Variants in CDH13 observed in about 807,000 individuals in gnomAD.
The protein encoded by CDH13 is cadherin-13.
A neutral mutation model predicts 63.8 loss-of-function variants in CDH13; 24 were observed. The ratio of observed to expected loss-of-function variants is 0.38; its 90% confidence interval spans 0.27 to 0.53. CDH13 has a LOEUF of 0.53. Ranked by LOEUF, CDH13 falls within the 20% of genes least tolerant of loss-of-function variation. The pLI is 0.85. For synonymous variants in CDH13, 503 were observed against 355.3 expected (o/e 1.42, Z -4.67); for missense variants, 1,049 against 903.1 (o/e 1.16, Z -2.07).
intron 1 of CDH13, among the ~76,000 whole-genome samples, chr16:82,791,482 C>T (rs180763645): frequency 6.6e-6 from 1 of 152,152 alleles, no homozygotes; most frequent in African/African-American, 2.4e-5. Context: ...GTGTGGTAAC[C>T]CCCTTTGGGT....
At chr16:83,504,736 C>A (rs555361131) in intron 7 of CDH13, among the ~76,000 whole-genome samples, 4 of 152,230 alleles carry the variant, frequency 2.6e-5, no homozygotes, top group African/African-American at 7.2e-5. Flanking sequence ...GGTGTTAGGG[C>A]AGATAATGAG....
chr16:82,704,887 A>G (rs2031355460), intron 1 of CDH13, among the ~76,000 whole-genome samples: 1 of 152,244 alleles, frequency 6.6e-6, no homozygotes, highest in African/African-American at 2.4e-5. Flanking sequence ...CATAACACGC[A>G]AAAGCAACAT....
chr16:82,902,547 T>C (rs527315955), intron 2 of CDH13, among the ~76,000 whole-genome samples: 1 of 152,258 alleles, frequency 6.6e-6, no homozygotes, highest in South Asian at 2.1e-4. Context: ...CGGGATTTAT[T>C]TACTCGTTTC....
intron 5 of CDH13, among the ~76,000 whole-genome samples, chr16:83,241,874 C>G (rs1904485926): frequency 6.6e-6 from 1 of 152,096 alleles, no homozygotes; most frequent in Non-Finnish European, 1.5e-5. Context: ...CTTTTGTTGT[C>G]TGTGCTTTTT....
intron 5 of CDH13, among the ~76,000 whole-genome samples, chr16:83,292,983 T>C (rs552760087): frequency 6.6e-6 from 1 of 152,334 alleles, no homozygotes; most frequent in South Asian, 2.1e-4. Context: ...ATGACTAAAT[T>C]TGTAATTAAA....
rs1274426350 is a variant in CDH13, at chr16:83,737,304, G to A, written c.1539-10804G>A. ...CACAACTGAGTAGTTTATCTCAGTG[G>A]TAAGTCTCGAAGTTTGACTTCGAAG... is the stretch of plus-strand genomic sequence containing the variant. On this transcript the variant is annotated intron_variant, in intron 10 of 13. Transcript: ENST00000567109. Among the ~76,000 whole-genome samples the A allele has an allele frequency of 3.3e-5, 5 of 152,302 alleles. No homozygotes were observed. In the East Asian group the frequency reaches 9.6e-4, roughly 29 times the overall value.
intron 5 of CDH13, among the ~76,000 whole-genome samples, chr16:83,225,937 A>G (rs2039824986): frequency 1.3e-5 from 2 of 152,194 alleles, no homozygotes; most frequent in African/African-American, 4.8e-5. Context: ...TCTAACACAA[A>G]ATAAAAGTCA....
At chr16:82,815,929 C>T (rs1001977363) in intron 1 of CDH13, among the ~76,000 whole-genome samples, 11 of 152,250 alleles carry the variant, frequency 7.2e-5, no homozygotes, top group South Asian at 2.1e-4. Flanking sequence ...ATGCAAGACA[C>T]GTGTTTAGGA....
intron 4 of CDH13, among the ~76,000 whole-genome samples, chr16:83,169,066 C>T (rs1044211775): frequency 6.6e-6 from 1 of 152,092 alleles, no homozygotes; most frequent in East Asian, 1.9e-4. Flanking sequence ...ATTCCTTTGA[C>T]AATTAAAACA....
intron 6 of CDH13, among the ~76,000 whole-genome samples, chr16:83,472,808 G>A (rs1445298486): frequency 6.6e-6 from 1 of 152,178 alleles, no homozygotes; most frequent in African/African-American, 2.4e-5. Context: ...TATTTATTGA[G>A]CACCTACTGT....
intron 10 of CDH13, among the ~76,000 whole-genome samples, chr16:83,707,740 TAGAA>T (rs948738173): frequency 1.4e-5 from 2 of 141,100 alleles, no homozygotes; most frequent in Middle Eastern, 4.0e-3. Flanking sequence ...AGTGAACAAA[TAGAA>T]AGCGAGAAAG....
chr16:83,588,128 C>T (rs4264379), intron 7 of CDH13, among the ~76,000 whole-genome samples: 8,344 of 152,222 alleles, frequency 0.055, 765 homozygotes, highest in African/African-American at 0.19. Context: ...GAGCCCAGCC[C>T]ATCAGCTCCA....
In CDH13 at chr16:82,671,966, C is replaced by G. The variant is rs150663000; in HGVS notation, c.45+44829C>G. 4.8e-3 allele frequency among the ~76,000 whole-genome samples: 738 copies of G among 152,298 alleles called. 6 individuals are homozygous for G. Among genetic ancestry groups the G allele is most frequent in the African/African-American group, 0.017 (714 of 41,560 alleles). On this transcript the variant is annotated intron_variant, in intron 1 of 13. Transcript: ENST00000567109. The stretch of plus-strand genomic sequence containing the variant: ...TCTTTGTTTATGAATTCTGCCCTCC[C>G]CCTCTTGCCCTGAGACTATCACCTG...
chr16:83,063,411 G>A (rs370044686), intron 3 of CDH13, among the ~76,000 whole-genome samples: 85 of 152,292 alleles, frequency 5.6e-4, no homozygotes, highest in African/African-American at 1.8e-3. Context: ...TCAAGAGGAA[G>A]GGAAATAGAT....
At chr16:83,557,368 T>G (rs1165102655) in intron 7 of CDH13, among the ~76,000 whole-genome samples, 1 of 152,198 alleles carries the variant, frequency 6.6e-6, no homozygotes, top group Admixed American at 6.5e-5. Flanking sequence ...GTAATGGGCT[T>G]GACTCATCCC....
chr16:82,682,668 C>G (rs1287813811), intron 1 of CDH13, among the ~76,000 whole-genome samples: 1 of 152,164 alleles, frequency 6.6e-6, no homozygotes, highest in Non-Finnish European at 1.5e-5. Context: ...TAGGAAGTCT[C>G]CAAGGAGCAA....
intron 8 of CDH13, among the ~76,000 whole-genome samples, chr16:83,650,618 C>A (rs1912281608): frequency 6.6e-6 from 1 of 152,164 alleles, no homozygotes; most frequent in African/African-American, 2.4e-5. Context: ...TTGGATGGTG[C>A]TACCAGCATC....
rs545946301 is a variant in CDH13, at chr16:83,134,425, G to A, written c.483+8924G>A. Among the ~76,000 whole-genome samples the A allele has an allele frequency of 2.6e-5, 4 of 151,832 alleles. No homozygotes were observed. In the South Asian group the frequency reaches 8.3e-4, roughly 32 times the overall value. On this transcript the variant is annotated intron_variant, in intron 4 of 13. Coordinates refer to ENST00000567109, the MANE Select transcript of CDH13 (RefSeq NM_001257.5). ...GGCTGCTCTGGAACTCCTGACCTCAGGTGATCCACCTGCCTCGGCCTCCCA... is the reference window on the plus strand; with the variant it reads ...GGCTGCTCTGGAACTCCTGACCTCAAGTGATCCACCTGCCTCGGCCTCCCA...
chr16:82,694,549 C>T (rs1162582324), intron 1 of CDH13, among the ~76,000 whole-genome samples: 2 of 152,078 alleles, frequency 1.3e-5, no homozygotes, highest in African/African-American at 2.4e-5. Flanking sequence ...ACTGAATCTC[C>T]CCTCCTTCCC....
Sources: allele counts gnomAD v4.1 joint callset (sites outside exome capture counted in the v4.1 genomes callset), GRCh38; gene constraint gnomAD v4.1.1; transcripts MANE v1.5; gene names NCBI Gene and HGNC (gene_info 2026-07-23, HGNC 2026-07-21).